Variants in LINGO2 observed in about 807,000 individuals in gnomAD.
LINGO2 encodes the protein leucine rich repeat and Ig domain containing 2.
A neutral mutation model predicts 30.6 loss-of-function variants in LINGO2; 14 were observed. That is an observed-to-expected ratio of 0.46 (90% CI 0.30 to 0.72). The LOEUF is 0.72. LINGO2 is among the 30% of genes least tolerant of loss of function. The probability of loss-of-function intolerance (pLI) is 0.07; values close to 1 mark genes in which losing one functional copy is unlikely to be tolerated. For missense variants in LINGO2, 729 were observed against 751.7 expected (o/e 0.97, Z 0.35); for synonymous variants, 317 against 288.5 (o/e 1.10, Z -1.00).
chr9:28,463,298 G>T (rs1284138221), intron 2 of LINGO2, among the ~76,000 whole-genome samples: 2 of 151,946 alleles, frequency 1.3e-5, no homozygotes, highest in Non-Finnish European at 2.9e-5. Flanking sequence ...AATCTCTTTT[G>T]TCTGATGCCT....
At chr9:28,047,304 G>T (rs1824468876) in intron 4 of LINGO2, among the ~76,000 whole-genome samples, 1 of 152,076 alleles carries the variant, frequency 6.6e-6, no homozygotes, top group Admixed American at 6.6e-5. Context: ...ATGATTGTAG[G>T]TTCTGGCAGG....
chr9:28,678,083 C>T, the LINGO2 span, among the ~76,000 whole-genome samples: 1 of 150,454 alleles, frequency 6.6e-6, no homozygotes, highest in Non-Finnish European at 1.5e-5. Context: ...CGAAAATTAT[C>T]TTAAAATATC....
chr9:28,498,934 T>C (rs1819775011), intron 1 of LINGO2, among the ~76,000 whole-genome samples: 1 of 152,138 alleles, frequency 6.6e-6, no homozygotes, highest in African/African-American at 2.4e-5. Flanking sequence ...TATTATAAAA[T>C]ATTAAATTAT....
At chr9:28,796,065 C>A in the LINGO2 span, among the ~76,000 whole-genome samples, 1 of 142,502 alleles carries the variant, frequency 7.0e-6, no homozygotes, top group Non-Finnish European at 1.5e-5. Context: ...ATAAGGTAAT[C>A]AGGAAAATAA....
chr9:29,149,982 G>A, the LINGO2 span, among the ~76,000 whole-genome samples: 5 of 152,112 alleles, frequency 3.3e-5, no homozygotes, highest in Non-Finnish European at 7.4e-5. Flanking sequence ...TTATTGAAGG[G>A]GGCTTCCCCA....
chr9:29,182,971 G>A, the LINGO2 span, among the ~76,000 whole-genome samples: 1 of 152,142 alleles, frequency 6.6e-6, no homozygotes, highest in Non-Finnish European at 1.5e-5. Context: ...CTTAGGATAT[G>A]CAGACTAAGA....
At chr9:28,804,359 A>C in the LINGO2 span, among the ~76,000 whole-genome samples, 2 of 152,114 alleles carry the variant, frequency 1.3e-5, no homozygotes, top group African/African-American at 2.4e-5. Flanking sequence ...CCTGCAAGTG[A>C]AGTTTAGATG....
chr9:28,987,996 T>C, the LINGO2 span, among the ~76,000 whole-genome samples: 1 of 152,186 alleles, frequency 6.6e-6, no homozygotes, highest in African/African-American at 2.4e-5. Context: ...TAGAAGAGTG[T>C]ATTTTCTGTT....
At chr9:28,214,309 G>T (rs965841000) in intron 4 of LINGO2, among the ~76,000 whole-genome samples, 1 of 151,566 alleles carries the variant, frequency 6.6e-6, no homozygotes, top group East Asian at 1.9e-4. Context: ...AAGTTGTACA[G>T]GTATTCAAGG....
At chr9:28,848,192 A>G in the LINGO2 span, among the ~76,000 whole-genome samples, 12 of 87,642 alleles carry the variant, frequency 1.4e-4, 1 homozygote, top group African/African-American at 6.7e-4. Flanking sequence ...CTATATATAC[A>G]CATATATAGT....
chr9:27,950,139 C>G (rs1230461075), exon 6 of LINGO2: 4 of 1,614,070 alleles, frequency 2.5e-6, no homozygotes, highest in Non-Finnish European at 3.4e-6. Flanking sequence ...CTGCTCCAAG[C>G]TAAGAAGCCC....
At chr9:28,767,091 G>A in the LINGO2 span, among the ~76,000 whole-genome samples, 1 of 151,138 alleles carries the variant, frequency 6.6e-6, no homozygotes, top group African/African-American at 2.5e-5. Context: ...GGGAAGGTGG[G>A]GTGGGTAATG....
chr9:28,320,590 G>C (rs531593990), intron 3 of LINGO2, among the ~76,000 whole-genome samples: 19 of 152,140 alleles, frequency 1.2e-4, no homozygotes, highest in Non-Finnish European at 2.2e-4. Context: ...ATATGTTCTA[G>C]GGATGGGGTC....
chr9:28,299,257 T>C (rs1170095131), intron 3 of LINGO2, among the ~76,000 whole-genome samples: 6 of 152,178 alleles, frequency 3.9e-5, no homozygotes, highest in Non-Finnish European at 1.5e-5. Flanking sequence ...GGAAGCTTTG[T>C]GTCTAAGTCA....
At chr9:28,645,723 C>T (rs10968699) in intron 1 of LINGO2, among the ~76,000 whole-genome samples, 14,243 of 152,026 alleles carry the variant, frequency 0.094, 877 homozygotes, top group East Asian at 0.19. Flanking sequence ...TTTAATAAGA[C>T]CTTGGTAGCC....
chr9:28,591,933 T>C (rs1212438917), intron 1 of LINGO2, among the ~76,000 whole-genome samples: 1 of 152,044 alleles, frequency 6.6e-6, no homozygotes, highest in African/African-American at 2.4e-5. Flanking sequence ...ATGAGCTTCC[T>C]GGCAGCAATC....
At chr9:28,647,198 T>C (rs1428658911) in intron 1 of LINGO2, among the ~76,000 whole-genome samples, 13 of 152,118 alleles carry the variant, frequency 8.5e-5, no homozygotes, top group South Asian at 2.1e-4. Flanking sequence ...CGTAGAGATA[T>C]GGGAACGCTT....
intron 4 of LINGO2, among the ~76,000 whole-genome samples, chr9:28,091,522 C>T (rs982410560): frequency 2.0e-5 from 3 of 152,152 alleles, no homozygotes; most frequent in African/African-American, 4.8e-5. Flanking sequence ...AACTGGATCC[C>T]TTCCTTATAC....
the LINGO2 span, among the ~76,000 whole-genome samples, chr9:28,795,788 T>C: frequency 6.6e-6 from 1 of 152,018 alleles, no homozygotes; most frequent in Non-Finnish European, 1.5e-5. Context: ...ATAATTATTC[T>C]TTTCAAAAAG....
Sources: allele counts gnomAD v4.1 joint callset (sites outside exome capture counted in the v4.1 genomes callset), GRCh38; gene constraint gnomAD v4.1.1; transcripts MANE v1.5; gene names NCBI Gene and HGNC (gene_info 2026-07-23, HGNC 2026-07-21).